Variants in PPP1R16B observed in about 807,000 individuals in gnomAD.
PPP1R16B encodes protein phosphatase 1 regulatory inhibitor subunit 16B.
A neutral mutation model predicts 61.7 loss-of-function variants in PPP1R16B; 14 were observed. The ratio of observed to expected loss-of-function variants is 0.23; its 90% confidence interval spans 0.15 to 0.35. The LOEUF (loss-of-function observed/expected upper bound fraction) is 0.35. Ranked by LOEUF, PPP1R16B falls within the 10% of genes least tolerant of loss-of-function variation. The probability of loss-of-function intolerance (pLI) is 1.00; values close to 1 mark genes in which losing one functional copy is unlikely to be tolerated. For synonymous variants in PPP1R16B, 266 were observed against 305.3 expected, an observed-to-expected ratio of 0.87 and a Z score of 1.34; for missense variants, 547 against 752.5, an observed-to-expected ratio of 0.73 and a Z score of 3.19.
At chr20:38,902,613 C>T in intron 5 of PPP1R16B, 55 bp from the exon 6 acceptor site, 2 of 1,610,254 alleles carry the variant, frequency 1.2e-6, no homozygotes, top group Non-Finnish European at 1.7e-6. Flanking sequence ...CTTCCCCTGC[C>T]CTCTGGGGTC....
rs147259187 is a variant in PPP1R16B at position 38,913,349 on chromosome 20, G to A, written c.1195-4808G>A. ...TCAATCTTGGCTCACTGCAACCTCC[G>A]CCTCCCAGGTTCAAGTGATTTTCCT... On this transcript the variant is annotated intron_variant, in intron 10 of 10. Coordinates refer to ENST00000299824, the MANE Select transcript of PPP1R16B (RefSeq NM_015568.4). Among the ~76,000 whole-genome samples, 686 of 151,810 alleles carry A rather than the reference G, an allele frequency of 4.5e-3. 7 individuals carry two copies. Among genetic ancestry groups the A allele is most frequent in the Non-Finnish European group, 7.2e-3 (488 of 67,960 alleles).
At chr20:38,809,976 C>T (rs1333489702) in intron 1 of PPP1R16B, among the ~76,000 whole-genome samples, 1 of 116,180 alleles carries the variant, frequency 8.6e-6, no homozygotes, top group African/African-American at 3.4e-5. Context: ...CAGAGTAAGA[C>T]CTTGTTTCGA....
intron 1 of PPP1R16B, among the ~76,000 whole-genome samples, chr20:38,812,587 G>A (rs1477748720): frequency 1.3e-5 from 2 of 152,142 alleles, no homozygotes; most frequent in African/African-American, 2.4e-5. Flanking sequence ...AGAGGAGGGT[G>A]TTTTACTTCC....
At chr20:38,904,814 C>G (rs1402070249) in intron 6 of PPP1R16B, among the ~76,000 whole-genome samples, 2 of 152,178 alleles carry the variant, frequency 1.3e-5, no homozygotes, top group African/African-American at 4.8e-5. Flanking sequence ...CTGGCTTCCT[C>G]CCAGCTAGTC....
intron 1 of PPP1R16B, among the ~76,000 whole-genome samples, chr20:38,817,325 G>A (rs190126210): frequency 4.5e-4 from 68 of 152,300 alleles, no homozygotes; most frequent in African/African-American, 1.4e-3. Flanking sequence ...CACTTTGGGA[G>A]GCCAAGCTGG....
intron 2 of PPP1R16B, among the ~76,000 whole-genome samples, chr20:38,849,050 G>A (rs566896755): frequency 3.3e-5 from 5 of 152,320 alleles, no homozygotes; most frequent in African/African-American, 1.2e-4. Context: ...AATAGCACAT[G>A]TCTCTGTTAA....
In PPP1R16B at chr20:38,806,639, C is replaced by T. The variant is rs2084663583; in HGVS notation, c.-102+847C>T. Reference sequence around the variant, plus strand: ...AGTGCCCAGGCTGAGCTGCCCAGACCGCCCCGGGTGGAGAGCCGGGAGGCA... The same window carrying T: ...AGTGCCCAGGCTGAGCTGCCCAGACTGCCCCGGGTGGAGAGCCGGGAGGCA... On this transcript the variant is annotated intron_variant, in intron 1 of 10. Coordinates refer to ENST00000299824, the MANE Select transcript of PPP1R16B (RefSeq NM_015568.4). This position sits in a 1 kb window ranked among gnomAD's most constrained non-coding sequence, Gnocchi z 4.5. Among the ~76,000 whole-genome samples the T allele has an allele frequency of 6.6e-6, 1 of 152,208 alleles. No individual in the cohort carries two copies. The highest frequency in any genetic ancestry group is 1.5e-5 in the Non-Finnish European group (1 of 68,024).
intron 2 of PPP1R16B, among the ~76,000 whole-genome samples, chr20:38,865,699 C>T (rs1485996485): frequency 6.6e-6 from 1 of 152,202 alleles, no homozygotes; most frequent in Non-Finnish European, 1.5e-5. Context: ...TTGTCACTTA[C>T]TGAATGTTCC....
rs761220200 is a variant in PPP1R16B, at chr20:38,836,039, A to G, written c.114A>G (p.Ala38=). ...GGGCCCAGCAGCTGAAGAAATGGGC[A>G]CAGTACGAGCAGGACTTGCAGCACC... is the stretch of plus-strand genomic sequence containing the variant. ...KRRAQQLKKW[A]QYEQDLQHRK... The change falls in exon 2 of 11, where the codon GCA becomes GCG. Residue 38 remains alanine (A), a synonymous_variant. Coordinates refer to ENST00000299824, the MANE Select transcript of PPP1R16B (RefSeq NM_015568.4). The G allele has an allele frequency of 1.2e-6, 2 of 1,607,008 alleles. No homozygotes were observed. The highest frequency in any genetic ancestry group is 2.2e-5 in the South Asian group (2 of 90,128).
intron 1 of PPP1R16B, among the ~76,000 whole-genome samples, chr20:38,832,134 C>G (rs2084841301): frequency 6.6e-6 from 1 of 152,216 alleles, no homozygotes; most frequent in African/African-American, 2.4e-5. Flanking sequence ...ACTGGCTCTT[C>G]CACTATCTAG....
intron 2 of PPP1R16B, among the ~76,000 whole-genome samples, chr20:38,862,810 C>T (rs1207723321): frequency 6.6e-6 from 1 of 152,202 alleles, no homozygotes; most frequent in Non-Finnish European, 1.5e-5. Context: ...GCTCTCCTGC[C>T]CACTCCAGAT....
At chr20:38,900,904 A>C (rs2085388219) in intron 5 of PPP1R16B, among the ~76,000 whole-genome samples, 1 of 152,232 alleles carries the variant, frequency 6.6e-6, no homozygotes, top group African/African-American at 2.4e-5. Flanking sequence ...GGAGGTATTG[A>C]TCTCATTCGT....
intron 1 of PPP1R16B, among the ~76,000 whole-genome samples, chr20:38,811,800 C>T (rs1176537985): frequency 3.3e-5 from 5 of 152,132 alleles, no homozygotes; most frequent in African/African-American, 1.2e-4. Context: ...TGCTAAATAT[C>T]CTGTGGTGCA....
Position 38,885,036 on chromosome 20 carries a change from C to CAAA in PPP1R16B, c.251-4538_251-4536dup, listed in dbSNP as rs71330453. Among the ~76,000 whole-genome samples the CAAA allele has an allele frequency of 9.3e-3, 629 of 67,446 alleles. 25 individuals are homozygous for CAAA. The highest frequency in any genetic ancestry group is 0.033 in the African/African-American group (514 of 15,422). 44.2% of individuals were successfully genotyped at this position (67,446 alleles called of 152,430 possible). On this transcript the variant is annotated intron_variant, in intron 2 of 10. Transcript: ENST00000299824. ...TGGGCAACAGAGCTAAACTCTGTCT[C>CAAA]AAAAAAAAAAAAAAAAAAAAAAAGA...
chr20:38,813,810 ATTT>A (rs2084717749), intron 1 of PPP1R16B, among the ~76,000 whole-genome samples: 1 of 118,222 alleles, frequency 8.5e-6, no homozygotes, highest in Admixed American at 8.4e-5. Flanking sequence ...TATTATTATT[ATTT>A]TGAGACACAG....
chr20:38,821,046 A>AC (rs2084770524), intron 1 of PPP1R16B, among the ~76,000 whole-genome samples: 1 of 151,548 alleles, frequency 6.6e-6, no homozygotes, highest in South Asian at 2.1e-4. Context: ...GTCTCAAAAA[A>AC]AAAAAAAAAA....
At chr20:38,814,700 T>C (rs1345696111) in intron 1 of PPP1R16B, among the ~76,000 whole-genome samples, 1 of 152,200 alleles carries the variant, frequency 6.6e-6, no homozygotes, top group Non-Finnish European at 1.5e-5. Flanking sequence ...AGGTTACTTA[T>C]GGCCATTACT....
chr20:38,829,696 G>A (rs1049191978), intron 1 of PPP1R16B, among the ~76,000 whole-genome samples: 2 of 152,228 alleles, frequency 1.3e-5, no homozygotes, highest in Non-Finnish European at 2.9e-5. Flanking sequence ...CATGGCTGCC[G>A]TGGGCTGCCC....
intron 6 of PPP1R16B, among the ~76,000 whole-genome samples, chr20:38,904,238 T>C (rs771344555): frequency 2.0e-5 from 3 of 152,222 alleles, no homozygotes; most frequent in Non-Finnish European, 4.4e-5. Flanking sequence ...CCCAGCCTCA[T>C]TGCAGCTCCA....
Sources: gnomAD v4.1 joint callset for allele counts (sites outside exome capture counted in the v4.1 genomes callset) on GRCh38, gnomAD v4.1.1 for gene constraint, Gnocchi (gnomAD v3.1) non-coding constraint, MANE v1.5 for transcripts, NCBI Gene and HGNC (gene_info 2026-07-23, HGNC 2026-07-21) for gene names.